The following FGF13 variants were observed in gnomAD, a reference collection of about 807,000 sequenced individuals.
FGF13 encodes the protein fibroblast growth factor 13.
In FGF13, 2 loss-of-function variants were observed where a neutral mutation model predicts 19.5. The ratio of observed to expected loss-of-function variants is 0.10; its 90% CI spans 0.04 to 0.32. FGF13 has a LOEUF of 0.32. Ranked by LOEUF, FGF13 falls within the 10% of genes least tolerant of loss-of-function variation. FGF13 has a pLI of 1.00. For synonymous variants in FGF13, 72 were observed against 76.9 expected (o/e 0.94, Z 0.33); for missense variants, 113 against 192.7 (o/e 0.59, Z 2.45).
Position 139,144,952 on chromosome X carries a change from A to G in FGF13, c.-113+58464T>C, listed in dbSNP as rs772808316. Among the ~76,000 whole-genome samples the G allele has an allele frequency of 3.6e-5, 4 of 112,347 alleles. No homozygotes were observed. In the South Asian group the frequency reaches 1.5e-3, roughly 41 times the overall value. The stretch of plus-strand genomic sequence containing the variant: ...ACATGTTCATATAAATAATATAATT[A>G]CATGGTAACATAAGTAACATATTTT... On this transcript the variant is annotated intron_variant, in intron 1 of 2. Coordinates refer to the FGF13 transcript ENST00000421460.
chrX:138,992,018 T>C (rs2092018001), intron 1 of FGF13, among the ~76,000 whole-genome samples: 1 of 111,880 alleles, frequency 8.9e-6, no homozygotes, highest in African/African-American at 3.2e-5. Context: ...CATCTTGCTA[T>C]TGTTTTAATG....
At chrX:138,768,530 C>T (rs899306423) in intron 3 of FGF13, among the ~76,000 whole-genome samples, 1 of 109,298 alleles carries the variant, frequency 9.1e-6, no homozygotes, top group African/African-American at 3.3e-5. Context: ...TGTACATGCA[C>T]TCTTTTGTAT....
chrX:138,810,898 C>T (rs1282352872), intron 3 of FGF13, among the ~76,000 whole-genome samples: 2 of 111,522 alleles, frequency 1.8e-5, no homozygotes, highest in Non-Finnish European at 3.8e-5. Flanking sequence ...CAATGAGATA[C>T]CATCTCACAC....
chrX:139,160,716 A>C (rs952780816), intron 1 of FGF13, among the ~76,000 whole-genome samples: 3 of 111,980 alleles, frequency 2.7e-5, no homozygotes, highest in Non-Finnish European at 5.6e-5. Flanking sequence ...TACTATAAAC[A>C]CCTCTATGCA....
At chrX:139,100,511 A>T (rs979129920) in intron 1 of FGF13, among the ~76,000 whole-genome samples, 5 of 110,656 alleles carry the variant, frequency 4.5e-5, no homozygotes, top group African/African-American at 6.6e-5. Flanking sequence ...ACCCCAAAAG[A>T]TGATCAACTC....
At chrX:139,184,589 ATCTTTT>A (rs1439027346) in intron 1 of FGF13, among the ~76,000 whole-genome samples, 2 of 110,969 alleles carry the variant, frequency 1.8e-5, no homozygotes, top group African/African-American at 6.6e-5. Context: ...CAGATAACAT[ATCTTTT>A]TTACCTATAT....
chrX:139,001,722 T>G (rs928959115), intron 1 of FGF13, among the ~76,000 whole-genome samples: 2 of 111,641 alleles, frequency 1.8e-5, no homozygotes, highest in Admixed American at 9.4e-5. Flanking sequence ...GAAATAGGAA[T>G]GCTTTTACAC....
At chrX:138,773,197 G>A (rs1033082161) in intron 3 of FGF13, among the ~76,000 whole-genome samples, 2 of 111,577 alleles carry the variant, frequency 1.8e-5, no homozygotes, top group Non-Finnish European at 3.8e-5. Flanking sequence ...TTCAAATACA[G>A]CCATGAAATC....
chrX:139,204,045 G>A (rs374963111), upstream of FGF13: 17 of 1,208,982 alleles, frequency 1.4e-5, no homozygotes, highest in Non-Finnish European at 1.9e-5. Context: ...GGCGGACTCG[G>A]CGGGCGGGCT....
intron 1 of FGF13, among the ~76,000 whole-genome samples, chrX:139,079,879 G>A (rs775259578): frequency 1.8e-5 from 2 of 110,756 alleles, no homozygotes; most frequent in African/African-American, 6.6e-5. Flanking sequence ...TGACTGTCAT[G>A]AGGATTAAAT....
rs187212558 is a variant in FGF13, at chrX:139,188,618, A to G, written c.-113+14798T>C. Among the ~76,000 whole-genome samples the G allele has an allele frequency of 3.2e-3, 355 of 111,828 alleles. 1 individual carries two copies. Among genetic ancestry groups the G allele is most frequent in the African/African-American group, 0.011 (325 of 30,789 alleles). On this transcript the variant is annotated intron_variant, in intron 1 of 2. Coordinates refer to the FGF13 transcript ENST00000421460. The stretch of plus-strand genomic sequence containing the variant: ...AGAGGGACTTACTCAAATCAAAACT[A>G]AAGTCAAGGCCTGGATATTTCCTCT...
At chrX:138,850,886 C>G (rs1186113290) in intron 3 of FGF13, among the ~76,000 whole-genome samples, 2 of 111,742 alleles carry the variant, frequency 1.8e-5, no homozygotes, top group Non-Finnish European at 1.9e-5. Context: ...CTCTCCCTCC[C>G]CCGATACCTC....
At chrX:139,192,833 T>C (rs1290210010) in intron 1 of FGF13, among the ~76,000 whole-genome samples, 1 of 111,599 alleles carries the variant, frequency 9.0e-6, no homozygotes, top group Non-Finnish European at 1.9e-5. Context: ...GGGCACCAGA[T>C]CACTCACTGC....
intron 1 of FGF13, among the ~76,000 whole-genome samples, chrX:138,918,608 G>A (rs1342285749): frequency 3.6e-5 from 4 of 111,748 alleles, no homozygotes; most frequent in Non-Finnish European, 7.5e-5. Context: ...TGCACTGAGG[G>A]ATACAACTAT....
intron 3 of FGF13, among the ~76,000 whole-genome samples, chrX:138,687,081 A>C (rs1012749966): frequency 8.9e-6 from 1 of 111,902 alleles, no homozygotes; most frequent in Non-Finnish European, 1.9e-5. Context: ...GCTACAGGAC[A>C]TTGGTCTTGG....
chrX:138,908,071 C>CTTT (rs757824173), intron 1 of FGF13, among the ~76,000 whole-genome samples: 1 of 58,969 alleles, frequency 1.7e-5, no homozygotes, highest in Non-Finnish European at 3.4e-5. Context: ...TAATCATTTT[C>CTTT]TTTTTTTTTT....
intron 3 of FGF13, among the ~76,000 whole-genome samples, chrX:138,848,372 AC>A (rs1213849561): frequency 9.0e-6 from 1 of 111,128 alleles, no homozygotes; most frequent in Non-Finnish European, 1.9e-5. Flanking sequence ...CACTCAGCAG[AC>A]CTTATGCCAA....
At chrX:139,160,854 A>G (rs1341093053) in intron 1 of FGF13, among the ~76,000 whole-genome samples, 1 of 112,101 alleles carries the variant, frequency 8.9e-6, no homozygotes, top group East Asian at 2.8e-4. Flanking sequence ...GCAGTAATTA[A>G]TAGCCTACCA....
At chrX:139,153,848 T>C (rs112379878) in intron 1 of FGF13, among the ~76,000 whole-genome samples, 10,875 of 110,580 alleles carry the variant, frequency 0.098, 1,086 homozygotes, top group African/African-American at 0.3. Flanking sequence ...GGGAAATACA[T>C]GCACACACAT....
Sources: allele counts gnomAD v4.1 joint callset (sites outside exome capture counted in the v4.1 genomes callset), GRCh38; gene constraint gnomAD v4.1.1; transcripts MANE v1.5; gene names NCBI Gene and HGNC (gene_info 2026-07-23, HGNC 2026-07-21).